Variants in ARSB observed in about 807,000 individuals in gnomAD.
ARSB encodes N-acetylgalactosamine-4-sulfatase.
Under a neutral mutation model 50.9 loss-of-function variants are expected in ARSB, and 41 were observed. The ratio of observed to expected loss-of-function variants is 0.81; its 90% CI spans 0.63 to 1.04. The LOEUF (loss-of-function observed/expected upper bound fraction) is 1.04. Ranked by LOEUF, ARSB falls within the 50% of genes least tolerant of loss-of-function variation. ARSB has a pLI of 0.00. For missense variants in ARSB, 672 were observed against 693.3 expected (o/e 0.97, Z 0.35); for synonymous variants, 269 against 284.8 (o/e 0.94, Z 0.56).
chr5:78,778,982 T>G lies in ARSB; in HGVS notation c.*1415A>C, dbSNP rs1013978794. ...ACGGTGAGTTGTGATTGTACCACTG[T>G]ACTCCAACCTGGTGACAGAGTGAGA... is the stretch of plus-strand genomic sequence containing the variant. On this transcript the variant is annotated 3_prime_UTR_variant, in exon 8 of 8. Transcript: ENST00000264914. 1.3e-5 allele frequency: 2 copies of G among 152,286 alleles called. No homozygotes were observed. The highest frequency in any genetic ancestry group is 3.9e-4 in the East Asian group (2 of 5,180). The allele number at this position is 152,286 out of a possible 1,614,324, so 9.4% of individuals were successfully genotyped here. A position where few individuals can be genotyped will look rare whatever the true frequency, so the allele number is the denominator to read the frequency against.
At chr5:78,851,634 T>C (rs1745790304) in intron 5 of ARSB, among the ~76,000 whole-genome samples, 1 of 152,216 alleles carries the variant, frequency 6.6e-6, no homozygotes, top group South Asian at 2.1e-4. Context: ...TCTGTCTCAT[T>C]GATCTGTTTA....
chr5:78,812,082 G>A (rs946813757), intron 6 of ARSB, among the ~76,000 whole-genome samples: 8 of 152,128 alleles, frequency 5.3e-5, no homozygotes, highest in South Asian at 4.1e-4. Flanking sequence ...CTCCAAGCAG[G>A]AAAGAGCACA....
At chr5:78,841,243 T>A (rs1186562720) in intron 5 of ARSB, among the ~76,000 whole-genome samples, 3 of 151,780 alleles carry the variant, frequency 2.0e-5, no homozygotes, top group Non-Finnish European at 4.4e-5. Context: ...GGCAAGAGGA[T>A]CCCTTGAGCC....
At chr5:78,971,159 C>T (rs1456183350) in intron 1 of ARSB, among the ~76,000 whole-genome samples, 1 of 152,154 alleles carries the variant, frequency 6.6e-6, no homozygotes, top group African/African-American at 2.4e-5. Flanking sequence ...CCAGTTTGGC[C>T]CTGTCACAGC....
intron 6 of ARSB, among the ~76,000 whole-genome samples, chr5:78,805,253 T>A (rs1261283468): frequency 6.6e-6 from 1 of 152,124 alleles, no homozygotes; most frequent in Non-Finnish European, 1.5e-5. Context: ...GTAGGAGGAG[T>A]TACTTTCCAC....
chr5:78,780,760 G>C (rs1748903621), intron 7 of ARSB, 98 bp from the exon 8 acceptor site: 5 of 1,446,334 alleles, frequency 3.5e-6, no homozygotes, highest in Admixed American at 1.9e-5. Flanking sequence ...CTGGGTTGTG[G>C]GTGTGGAAAC....
intron 4 of ARSB, among the ~76,000 whole-genome samples, chr5:78,908,951 T>C (rs1425250823): frequency 1.3e-5 from 2 of 152,176 alleles, no homozygotes; most frequent in Non-Finnish European, 2.9e-5. Flanking sequence ...TAAAACTATG[T>C]GCTGCCCTTG....
At chr5:78,972,095 G>A (rs1460850890) in intron 1 of ARSB, among the ~76,000 whole-genome samples, 5 of 152,198 alleles carry the variant, frequency 3.3e-5, no homozygotes, top group Admixed American at 2.0e-4. Context: ...AAGGACACTT[G>A]TCTTCAGGTT....
intron 5 of ARSB, among the ~76,000 whole-genome samples, chr5:78,863,655 T>C (rs759558487): frequency 1.8e-4 from 28 of 152,006 alleles, no homozygotes; most frequent in Non-Finnish European, 3.4e-4. Flanking sequence ...ATACCTATTG[T>C]AAATGATGTG....
At chr5:78,786,892 C>G (rs1342914423) in intron 6 of ARSB, among the ~76,000 whole-genome samples, 2 of 152,080 alleles carry the variant, frequency 1.3e-5, no homozygotes, top group African/African-American at 4.8e-5. Flanking sequence ...CAGGCATGAG[C>G]CACCATACCC....
At chr5:78,797,667 T>C (rs1411752794) in intron 6 of ARSB, among the ~76,000 whole-genome samples, 1 of 152,180 alleles carries the variant, frequency 6.6e-6, no homozygotes, top group African/African-American at 2.4e-5. Context: ...CCGTGAGCCA[T>C]CCTGCTTTTT....
intron 4 of ARSB, among the ~76,000 whole-genome samples, chr5:78,922,116 T>C (rs1291019829): frequency 2.0e-5 from 3 of 149,456 alleles, no homozygotes; most frequent in African/African-American, 5.0e-5. Flanking sequence ...GGATTCTAAA[T>C]AAACTTTAAG....
At chr5:78,830,192 A>G (rs1312508229) in intron 6 of ARSB, among the ~76,000 whole-genome samples, 1 of 152,240 alleles carries the variant, frequency 6.6e-6, no homozygotes, top group African/African-American at 2.4e-5. Context: ...AAATAAATAA[A>G]TGGTCAGTTG....
intron 5 of ARSB, among the ~76,000 whole-genome samples, chr5:78,867,230 G>C (rs1196148098): frequency 2.6e-5 from 4 of 152,162 alleles, no homozygotes; most frequent in Admixed American, 2.0e-4. Flanking sequence ...AGGCGGCAGC[G>C]AGGCTGGGGG....
At chr5:78,853,713 A>C (rs1581045307) in intron 5 of ARSB, among the ~76,000 whole-genome samples, 1 of 152,304 alleles carries the variant, frequency 6.6e-6, no homozygotes, top group South Asian at 2.1e-4. Flanking sequence ...GGGCTCCACC[A>C]AGTTTGAGCT....
chr5:78,867,243 A>G (rs1163155075), intron 5 of ARSB, among the ~76,000 whole-genome samples: 21 of 152,102 alleles, frequency 1.4e-4, no homozygotes, highest in East Asian at 3.9e-4. Flanking sequence ...GCTGGGGGAG[A>G]GGCGCCCGCC....
At chr5:78,803,649 G>T (rs1211765884) in intron 6 of ARSB, among the ~76,000 whole-genome samples, 1 of 152,222 alleles carries the variant, frequency 6.6e-6, no homozygotes, top group Non-Finnish European at 1.5e-5. Context: ...CGGCTGGAGG[G>T]CTTGATCAGC....
Position 78,985,158 on chromosome 5 carries a change from ACAGCAG to A in ARSB, c.85_90del (p.Leu31_Leu32del). 6.9e-7 allele frequency: 1 copy of A among 1,451,194 alleles called. No individual in the cohort carries two copies. Among genetic ancestry groups the A allele is most frequent in the Non-Finnish European group, 9.1e-7 (1 of 1,101,156 alleles). 89.9% of individuals were successfully genotyped at this position (1,451,194 alleles called of 1,614,324 possible). A position where few individuals can be genotyped will look rare whatever the true frequency, so the allele number is the denominator to read the frequency against. ...GCGCCCGAGCCCGGCGGCGCCAACAACAGCAGCAGCAGCAGCGGGAGGACGACGGGG... is the reference window on the plus strand; with the variant it reads ...GCGCCCGAGCCCGGCGGCGCCAACAACAGCAGCAGCGGGAGGACGACGGGG... On this transcript the variant is annotated inframe_deletion, in exon 1 of 8. Transcript: ENST00000264914.
At chr5:78,821,238 C>T (rs1190081940) in intron 6 of ARSB, among the ~76,000 whole-genome samples, 1 of 152,168 alleles carries the variant, frequency 6.6e-6, no homozygotes, top group East Asian at 1.9e-4. Context: ...CGGGTTCAAG[C>T]TATTCTCCTG....
Sources: gnomAD v4.1 joint callset for allele counts (sites outside exome capture counted in the v4.1 genomes callset) on GRCh38, gnomAD v4.1.1 for gene constraint, MANE v1.5 for transcripts, NCBI Gene and HGNC (gene_info 2026-07-23, HGNC 2026-07-21) for gene names.